Variants in RBFOX1 observed in about 807,000 individuals in gnomAD.
RBFOX1 encodes the protein RNA binding fox-1 homolog 1.
In RBFOX1, 8 loss-of-function variants were observed where a neutral mutation model predicts 57.7. That is an observed-to-expected ratio of 0.14 (90% confidence interval 0.08 to 0.25). The LOEUF (loss-of-function observed/expected upper bound fraction) is 0.25, where lower values mean the gene tolerates loss of function less well. Ranked by LOEUF, RBFOX1 falls within the 10% of genes least tolerant of loss-of-function variation. RBFOX1 has a pLI of 1.00. For synonymous variants in RBFOX1, 326 were observed against 222.4 expected (o/e 1.47, Z -4.15); for missense variants, 611 against 548.5 (o/e 1.11, Z -1.14).
chr16:7,180,718 A>G (rs866818980), intron 4 of RBFOX1, among the ~76,000 whole-genome samples: 10,103 of 93,554 alleles, frequency 0.11, 380 homozygotes, highest in Non-Finnish European at 0.15. Context: ...TATGATGAAA[A>G]AAAAAAAAAA....
chr16:6,651,698 A>C (rs1341731359), intron 2 of RBFOX1, among the ~76,000 whole-genome samples: 1 of 152,110 alleles, frequency 6.6e-6, no homozygotes, highest in East Asian at 1.9e-4. Context: ...TGGCAATCTC[A>C]CTTCTGGGCA....
At chr16:5,913,099 A>G (rs372984971) in intron 4 of RBFOX1, among the ~76,000 whole-genome samples, 39 of 152,274 alleles carry the variant, frequency 2.6e-4, no homozygotes, top group Middle Eastern at 3.4e-3. Context: ...TGTAGTAGCT[A>G]TGTGTTGTGT....
At chr16:6,851,167 A>G (rs1364565584) in intron 3 of RBFOX1, among the ~76,000 whole-genome samples, 1 of 152,234 alleles carries the variant, frequency 6.6e-6, no homozygotes, top group Admixed American at 6.5e-5. Flanking sequence ...CTCAGCAATC[A>G]TTTTTATGTA....
chr16:6,651,726 A>G (rs2098597784), intron 2 of RBFOX1, among the ~76,000 whole-genome samples: 1 of 152,210 alleles, frequency 6.6e-6, no homozygotes, highest in African/African-American at 2.4e-5. Flanking sequence ...AAAAGACTTG[A>G]AAGCAGGGAG....
At chr16:6,966,871 C>G (rs994188705) in intron 3 of RBFOX1, among the ~76,000 whole-genome samples, 1 of 149,482 alleles carries the variant, frequency 6.7e-6, no homozygotes, top group Non-Finnish European at 1.5e-5. Flanking sequence ...ATCCATCTAT[C>G]CATGTATCCA....
At chr16:7,184,942 C>G (rs1346839860) in intron 4 of RBFOX1, among the ~76,000 whole-genome samples, 1 of 152,098 alleles carries the variant, frequency 6.6e-6, no homozygotes, top group African/African-American at 2.4e-5. Flanking sequence ...ACGTTTGATA[C>G]TTTACATATG....
chr16:5,786,167 C>T (rs1007882923), intron 3 of RBFOX1, among the ~76,000 whole-genome samples: 1 of 152,210 alleles, frequency 6.6e-6, no homozygotes, highest in Non-Finnish European at 1.5e-5. Context: ...AAGACACCTG[C>T]CTCCACTGTG....
At chr16:6,524,836 G>A (rs889836569) in intron 2 of RBFOX1, among the ~76,000 whole-genome samples, 11 of 152,066 alleles carry the variant, frequency 7.2e-5, no homozygotes, top group African/African-American at 2.2e-4. Context: ...CCTTCTCTGT[G>A]TGTCTGAGTC....
At chr16:6,617,443 C>T in intron 2 of RBFOX1, among the ~76,000 whole-genome samples, 1 of 151,922 alleles carries the variant, frequency 6.6e-6, no homozygotes, top group East Asian at 2.0e-4. Flanking sequence ...TAGTTTGGGT[C>T]TGACTCTCCA....
intron 5 of RBFOX1, among the ~76,000 whole-genome samples, chr16:7,551,135 G>C (rs1601612888): frequency 6.6e-6 from 1 of 150,968 alleles, no homozygotes; most frequent in East Asian, 2.0e-4. Context: ...CAGGACTTCT[G>C]CTTTCGCCAC....
chr16:7,161,495 G>C (rs967292282), intron 4 of RBFOX1, among the ~76,000 whole-genome samples: 1 of 152,020 alleles, frequency 6.6e-6, no homozygotes, highest in Non-Finnish European at 1.5e-5. Context: ...TCACTCTTAG[G>C]GGTTAGGAAT....
chr16:5,911,458 C>T (rs1303544692), intron 4 of RBFOX1, among the ~76,000 whole-genome samples: 1 of 152,152 alleles, frequency 6.6e-6, no homozygotes, highest in African/African-American at 2.4e-5. Context: ...CGCTTCATCC[C>T]CACAGTATTG....
At chr16:7,693,543 A>T (rs927981677) in intron 14 of RBFOX1, among the ~76,000 whole-genome samples, 3 of 151,700 alleles carry the variant, frequency 2.0e-5, no homozygotes, top group Admixed American at 1.3e-4. Context: ...GCCATATAAG[A>T]CGACATTAGG....
intron 2 of RBFOX1, among the ~76,000 whole-genome samples, chr16:5,486,232 A>C (rs527702666): frequency 2.5e-4 from 38 of 152,292 alleles, no homozygotes; most frequent in African/African-American, 8.7e-4. Context: ...GTGATAGATT[A>C]CTTTAGGGTT....
intron 4 of RBFOX1, among the ~76,000 whole-genome samples, chr16:7,115,233 C>T (rs1454188625): frequency 6.6e-6 from 1 of 152,006 alleles, no homozygotes; most frequent in African/African-American, 2.4e-5. Context: ...GGTGGACATT[C>T]CCATGTCAAT....
At chr16:7,140,734 C>T (rs765768608) in intron 4 of RBFOX1, among the ~76,000 whole-genome samples, 5 of 152,158 alleles carry the variant, frequency 3.3e-5, no homozygotes, top group African/African-American at 9.6e-5. Context: ...GAGTGAGAGA[C>T]GGAGACTTGA....
intron 3 of RBFOX1, among the ~76,000 whole-genome samples, chr16:6,800,299 T>C (rs1334351460): frequency 6.6e-6 from 1 of 152,210 alleles, no homozygotes; most frequent in Non-Finnish European, 1.5e-5. Flanking sequence ...ACCTTAGTCC[T>C]GGGCCAACCA....
intron 1 of RBFOX1, among the ~76,000 whole-genome samples, chr16:6,253,773 G>C (rs118149804): frequency 6.6e-6 from 1 of 151,670 alleles, no homozygotes; most frequent in Non-Finnish European, 1.5e-5. Flanking sequence ...ATTCAAAATT[G>C]TGCTGTCTTT....
At chr16:6,904,089 A>T (rs1341738286) in intron 3 of RBFOX1, among the ~76,000 whole-genome samples, 1 of 152,160 alleles carries the variant, frequency 6.6e-6, no homozygotes, top group African/African-American at 2.4e-5. Flanking sequence ...AGCAAGTCGG[A>T]TGCTCTTATT....
Sources: allele counts gnomAD v4.1 joint callset (sites outside exome capture counted in the v4.1 genomes callset), GRCh38; gene constraint gnomAD v4.1.1; transcripts MANE v1.5; gene names NCBI Gene and HGNC (gene_info 2026-07-23, HGNC 2026-07-21).